PTCHD4: variants seen among roughly 807,000 people sequenced by gnomAD.
PTCHD4 encodes the protein patched domain containing 4.
A neutral mutation model predicts 58.1 loss-of-function variants in PTCHD4; 33 were observed. The ratio of observed to expected loss-of-function variants is 0.57; its 90% CI spans 0.43 to 0.76. PTCHD4 has a LOEUF of 0.76. Ranked by LOEUF, PTCHD4 falls within the 30% of genes least tolerant of loss-of-function variation. PTCHD4 has a pLI of 0.00. For missense variants in PTCHD4, 1,058 were observed against 1,027.1 expected (o/e 1.03, Z -0.41); for synonymous variants, 478 against 409.6 (o/e 1.17, Z -2.02).
chr6:47,965,726 A>G (rs753433502), intron 4 of PTCHD4, among the ~76,000 whole-genome samples: 1 of 152,298 alleles, frequency 6.6e-6, no homozygotes, highest in East Asian at 1.9e-4. Context: ...CAGGAAATCG[A>G]GACCATCTTG....
intron 1 of PTCHD4, among the ~76,000 whole-genome samples, chr6:48,095,012 T>A (rs1031957913): frequency 1.3e-5 from 2 of 152,010 alleles, no homozygotes; most frequent in African/African-American, 2.4e-5. Context: ...GGGGACAGGG[T>A]AGTATAGATT....
chr6:47,952,846 T>C (rs183382411), intron 4 of PTCHD4, among the ~76,000 whole-genome samples: 12 of 152,178 alleles, frequency 7.9e-5, no homozygotes, highest in Non-Finnish European at 1.0e-4. Flanking sequence ...CTCAGAACAT[T>C]TCTCTGTCAT....
chr6:48,024,208 G>A (rs1380855857), intron 3 of PTCHD4, among the ~76,000 whole-genome samples: 1 of 152,008 alleles, frequency 6.6e-6, no homozygotes, highest in Admixed American at 6.6e-5. Flanking sequence ...ATGATTCACT[G>A]AACTTAAATA....
chr6:48,099,026 A>C (rs1187453051), intron 1 of PTCHD4, among the ~76,000 whole-genome samples: 1 of 152,188 alleles, frequency 6.6e-6, no homozygotes, highest in Non-Finnish European at 1.5e-5. Flanking sequence ...GTTTCATATT[A>C]AATAACATTT....
chr6:47,916,824 A>T (rs1225236410), intron 4 of PTCHD4, among the ~76,000 whole-genome samples: 2 of 152,174 alleles, frequency 1.3e-5, no homozygotes. Context: ...CTAAAGTTAT[A>T]GAATCTGTCC....
Position 48,092,004 on chromosome 6 carries a change from CAT to C in PTCHD4, c.-970+19043_-970+19044del, listed in dbSNP as rs199601909. On this transcript the variant is annotated intron_variant, in intron 1 of 4. Coordinates refer to ENST00000339488, the MANE Select transcript of PTCHD4 (RefSeq NM_001384253.1). ...ACACACATACACATACACACACACA[CAT>C]ACACACACACACATACACACACACA... Among the ~76,000 whole-genome samples, 666 of 151,736 alleles carry C rather than the reference CAT, an allele frequency of 4.4e-3. 13 individuals carry two copies. The highest frequency in any genetic ancestry group is 0.015 in the African/African-American group (637 of 41,226).
intron 4 of PTCHD4, among the ~76,000 whole-genome samples, chr6:47,957,249 T>TTA (rs1554162147): frequency 1.2e-4 from 17 of 147,768 alleles, no homozygotes; most frequent in Non-Finnish European, 2.4e-4. Flanking sequence ...TGGTTAAGGT[T>TTA]TATATATATA....
intron 4 of PTCHD4, among the ~76,000 whole-genome samples, chr6:47,884,321 CT>C (rs1764113957): frequency 6.6e-6 from 1 of 152,192 alleles, no homozygotes; most frequent in Admixed American, 6.5e-5. Flanking sequence ...TTACTTTTCA[CT>C]TTGGTTTCCA....
At chr6:48,035,722 T>C (rs1015186671) in intron 3 of PTCHD4, among the ~76,000 whole-genome samples, 1 of 152,148 alleles carries the variant, frequency 6.6e-6, no homozygotes, top group African/African-American at 2.4e-5. Flanking sequence ...CTGATCAGGT[T>C]CCTCATTCTG....
chr6:48,044,481 A>G (rs1763963100), intron 3 of PTCHD4, among the ~76,000 whole-genome samples: 1 of 151,896 alleles, frequency 6.6e-6, no homozygotes. Context: ...TCTGTTTTCC[A>G]GTAGAAGAAA....
chr6:48,050,080 C>T (rs995951756), intron 3 of PTCHD4, among the ~76,000 whole-genome samples: 1 of 151,866 alleles, frequency 6.6e-6, no homozygotes, highest in African/African-American at 2.4e-5. Context: ...TATGTAAGGT[C>T]ATTCTACATT....
At chr6:47,946,039 A>T (rs1183062389) in intron 4 of PTCHD4, among the ~76,000 whole-genome samples, 1 of 152,000 alleles carries the variant, frequency 6.6e-6, no homozygotes, top group Non-Finnish European at 1.5e-5. Context: ...TTTCTTATTC[A>T]TTTCTAACAA....
intron 4 of PTCHD4, among the ~76,000 whole-genome samples, chr6:47,887,603 G>A (rs962570501): frequency 5.9e-5 from 9 of 152,170 alleles, no homozygotes; most frequent in Non-Finnish European, 2.9e-5. Flanking sequence ...AACAGAGAAT[G>A]GAATATGAAA....
At chr6:48,085,101 C>T (rs894255201) in intron 1 of PTCHD4, among the ~76,000 whole-genome samples, 10 of 151,066 alleles carry the variant, frequency 6.6e-5, no homozygotes, top group Non-Finnish European at 7.4e-5. Flanking sequence ...CACAGTCACC[C>T]GATAGTTAAG....
intron 4 of PTCHD4, among the ~76,000 whole-genome samples, chr6:47,938,383 G>T (rs1176046842): frequency 2.6e-5 from 4 of 152,030 alleles, no homozygotes; most frequent in African/African-American, 9.7e-5. Flanking sequence ...AACACCTCTA[G>T]GCATCAACAA....
At chr6:48,084,776 C>T (rs1252701188) in intron 1 of PTCHD4, among the ~76,000 whole-genome samples, 1 of 149,176 alleles carries the variant, frequency 6.7e-6, no homozygotes, top group African/African-American at 2.5e-5. Flanking sequence ...CTTGGTCTCC[C>T]AGTGTCACTC....
intron 4 of PTCHD4, among the ~76,000 whole-genome samples, chr6:47,996,041 T>C (rs1030418442): frequency 6.6e-6 from 1 of 152,234 alleles, no homozygotes; most frequent in Non-Finnish European, 1.5e-5. Context: ...GGTAAATTCA[T>C]GTCACAGGGG....
chr6:48,030,272 G>A (rs145806169), intron 3 of PTCHD4, among the ~76,000 whole-genome samples: 1 of 152,016 alleles, frequency 6.6e-6, no homozygotes, highest in African/African-American at 2.4e-5. Flanking sequence ...AGAAACAAGG[G>A]TGACTGTAGA....
Position 48,100,726 on chromosome 6 carries a change from G to A in PTCHD4, c.-970+10323C>T, listed in dbSNP as rs372283523. On this transcript the variant is annotated intron_variant, in intron 1 of 4. Coordinates refer to ENST00000339488, the MANE Select transcript of PTCHD4 (RefSeq NM_001384253.1). The stretch of plus-strand genomic sequence containing the variant: ...TTAAGCCCTGATATTCTGTCGACAC[G>A]GAGGGTCACTTTCCTCTCATTGTTC... Among the ~76,000 whole-genome samples the A allele has an allele frequency of 1.3e-3, 193 of 152,240 alleles. 4 individuals are homozygous for A. In the South Asian group the frequency reaches 0.038, roughly 30 times the overall value.
Sources: gnomAD v4.1 joint callset for allele counts (sites outside exome capture counted in the v4.1 genomes callset) on GRCh38, gnomAD v4.1.1 for gene constraint, MANE v1.5 for transcripts, NCBI Gene and HGNC (gene_info 2026-07-23, HGNC 2026-07-21) for gene names.